The following ZNF577 variants were observed in gnomAD, a reference collection of about 807,000 sequenced individuals.
The protein encoded by ZNF577 is zinc finger protein 577.
In ZNF577, 14 loss-of-function variants were observed where a neutral mutation model predicts 13.9. The ratio of observed to expected loss-of-function variants is 1.00; its 90% CI spans 0.66 to 1.57. The LOEUF (loss-of-function observed/expected upper bound fraction) is 1.57, where lower values mean the gene tolerates loss of function less well. Ranked by LOEUF, ZNF577 falls within the 40% of genes most tolerant of loss-of-function variation. ZNF577 has a pLI of 0.00. For synonymous variants in ZNF577, 203 were observed against 202.9 expected, an observed-to-expected ratio of 1.00 and a Z score of 0.00; for missense variants, 555 against 579.2, an observed-to-expected ratio of 0.96 and a Z score of 0.43.
intron 9 of ZNF577, among the ~76,000 whole-genome samples, chr19:51,832,925 T>G (rs770614240): frequency 2.0e-5 from 3 of 152,236 alleles, no homozygotes; most frequent in Non-Finnish European, 2.9e-5. Context: ...TTGATAATTG[T>G]AGCTTAATAG....
intron 5 of ZNF577, among the ~76,000 whole-genome samples, chr19:51,876,736 G>C (rs1460828474): frequency 6.6e-6 from 1 of 152,016 alleles, no homozygotes; most frequent in Non-Finnish European, 1.5e-5. Context: ...GACCAGCCTG[G>C]CCAATGTAGT....
intron 9 of ZNF577, among the ~76,000 whole-genome samples, chr19:51,814,545 G>A (rs1326920833): frequency 7.2e-5 from 11 of 152,276 alleles, no homozygotes; most frequent in Admixed American, 6.5e-4. Context: ...CCAGGATGAA[G>A]TGCAGTGGTG....
intron 8 of ZNF577, chr19:51,840,258 A>G (rs1211210087): frequency 6.6e-6 from 1 of 152,264 alleles, no homozygotes; most frequent in East Asian, 1.9e-4. Flanking sequence ...AACAGCCCTA[A>G]GCCAATCACA....
In ZNF577 at chr19:51,861,113, C is replaced by CTTTTT. The variant is rs368241227; in HGVS notation, c.283+16164_283+16168dup. On this transcript the variant is annotated intron_variant and NMD_transcript_variant, in intron 5 of 10. Coordinates refer to the ZNF577 transcript ENST00000638827. ...TCACTGCACTCATAATTGACTCTCT[C>CTTTTT]TTTTTTTTTTTTTTTTTTTTTTTGA... The CTTTTT allele has an allele frequency of 5.6e-3, 1,036 of 184,958 alleles. 19 individuals carry two copies. The highest frequency in any genetic ancestry group is 0.013 in the East Asian group (50 of 3,892). 11.5% of individuals were successfully genotyped at this position (184,958 alleles called of 1,614,324 possible).
intron 10 of ZNF577, among the ~76,000 whole-genome samples, chr19:51,810,511 A>G (rs2084088909): frequency 6.6e-6 from 1 of 152,190 alleles, no homozygotes; most frequent in Non-Finnish European, 1.5e-5. Flanking sequence ...ACTGCTGATA[A>G]GCAGCGTCTG....
At chr19:51,853,027 T>G (rs868339115) in intron 5 of ZNF577, among the ~76,000 whole-genome samples, 10 of 151,826 alleles carry the variant, frequency 6.6e-5, no homozygotes, top group Middle Eastern at 3.4e-3. Context: ...CGCCTCTGCC[T>G]TCGGGCTCAA....
At chr19:51,842,354 C>A (rs2084325885) in intron 8 of ZNF577, among the ~76,000 whole-genome samples, 1 of 152,130 alleles carries the variant, frequency 6.6e-6, no homozygotes, top group Non-Finnish European at 1.5e-5. Context: ...GTGTCTAGGT[C>A]ATGAGGGCTC....
intron 5 of ZNF577, chr19:51,860,973 A>C (rs1446173280): frequency 2.3e-6 from 1 of 432,362 alleles, no homozygotes; most frequent in Non-Finnish European, 4.6e-6. Context: ...CTCCTGAATG[A>C]ATACCCTAAT....
In ZNF577 at chr19:51,824,208, A is replaced by T; in HGVS notation, c.*600-12534T>A. 1 of 1,614,184 alleles carries T rather than the reference A, an allele frequency of 6.2e-7. No homozygotes were observed. On this transcript the variant is annotated intron_variant and NMD_transcript_variant, in intron 9 of 10. Transcript: ENST00000638827. The surrounding 1 kb of genome is among the most constrained non-coding windows in gnomAD (Gnocchi z 4.7). Reference sequence around the variant, plus strand: ...GATGACGGGACTCTGGATTTTCACCATAGTCCTTACCTTACCAAATTTCAT... The same window carrying T: ...GATGACGGGACTCTGGATTTTCACCTTAGTCCTTACCTTACCAAATTTCAT...
intron 10 of ZNF577, chr19:51,811,430 ACTT>A (rs2084095715): frequency 6.6e-6 from 1 of 152,042 alleles, no homozygotes; most frequent in African/African-American, 2.4e-5. Context: ...CATTCCCAGT[ACTT>A]CTTTAAGGAA....
chr19:51,837,254 T>C (rs993759334), intron 9 of ZNF577, among the ~76,000 whole-genome samples: 1 of 143,146 alleles, frequency 7.0e-6, no homozygotes, highest in Non-Finnish European at 1.5e-5. Flanking sequence ...ATCACCTATG[T>C]TGATGCCAAG....
At chr19:51,814,981 C>T (rs1453920340) in intron 9 of ZNF577, among the ~76,000 whole-genome samples, 2 of 150,088 alleles carry the variant, frequency 1.3e-5, no homozygotes, top group Non-Finnish European at 3.0e-5. Context: ...GGCTAATTTT[C>T]GTATTTTTAG....
rs1041091734 is a variant in ZNF577, at chr19:51,871,114, CT to C, written c.*1417del. 1.3e-5 allele frequency among the ~76,000 whole-genome samples: 2 copies of C among 151,874 alleles called. No individual in the cohort carries two copies. The highest frequency in any genetic ancestry group is 4.8e-5 in the African/African-American group (2 of 41,366). On this transcript the variant is annotated 3_prime_UTR_variant, in exon 6 of 6. Coordinates refer to ENST00000638348, the MANE Select transcript of ZNF577 (RefSeq NM_001370449.1). ...GAAGTATGTTAGTTTCTTTTCCCCC[CT>C]TTTTTAGAGTCAGAGTCTTATTCTG...
intron 5 of ZNF577, among the ~76,000 whole-genome samples, chr19:51,857,315 G>A (rs1424263497): frequency 2.9e-5 from 4 of 136,382 alleles, no homozygotes; most frequent in African/African-American, 8.2e-5. Flanking sequence ...AAGAAAGGAA[G>A]GAAAAGAAAA....
downstream of ZNF577, among the ~76,000 whole-genome samples, chr19:51,865,609 C>T (rs1051837770): frequency 2.0e-5 from 3 of 152,156 alleles, no homozygotes; most frequent in African/African-American, 7.2e-5. Context: ...GAGAAAAAGG[C>T]ACATTTTCTT....
At chr19:51,855,676 G>C (rs1025434337) in intron 5 of ZNF577, 1 of 152,080 alleles carries the variant, frequency 6.6e-6, no homozygotes, top group Non-Finnish European at 1.5e-5. Flanking sequence ...GCAGGCTTAG[G>C]CTACTACAAA....
intron 9 of ZNF577, chr19:51,839,812 C>G (rs139735304): frequency 2.0e-5 from 3 of 152,296 alleles, no homozygotes; most frequent in Non-Finnish European, 4.4e-5. Context: ...TTCCCTGAAG[C>G]CTTCTTACAC....
chr19:51,827,310 G>A (rs1031961514), intron 9 of ZNF577, among the ~76,000 whole-genome samples: 1 of 152,124 alleles, frequency 6.6e-6, no homozygotes, highest in Non-Finnish European at 1.5e-5. Context: ...AGTCAGCCAC[G>A]TTAGATTTCT....
chr19:51,830,340 C>T (rs1215460488), intron 9 of ZNF577, among the ~76,000 whole-genome samples: 1 of 152,202 alleles, frequency 6.6e-6, no homozygotes, highest in African/African-American at 2.4e-5. Flanking sequence ...TCCTCCTGAA[C>T]TTTACAACAA....
Sources: gnomAD v4.1 joint callset for allele counts (sites outside exome capture counted in the v4.1 genomes callset) on GRCh38, gnomAD v4.1.1 for gene constraint, Gnocchi (gnomAD v3.1) non-coding constraint, MANE v1.5 for transcripts, NCBI Gene and HGNC (gene_info 2026-07-23, HGNC 2026-07-21) for gene names.